The following GSPT1 variants were observed in gnomAD, a reference collection of about 807,000 sequenced individuals.
GSPT1 encodes the protein G1 to S phase transition 1, also known as eukaryotic peptide chain release factor GTP-binding subunit ERF3A.
GSPT1 carries 20 observed loss-of-function variants against 72.5 expected under a neutral mutation model. The observed-to-expected ratio is 0.28, with a 90% CI of 0.19 to 0.40. The LOEUF is 0.40. Ranked by LOEUF, GSPT1 falls within the 10% of genes least tolerant of loss-of-function variation. The pLI is 1.00. For synonymous variants in GSPT1, 334 were observed against 293.5 expected, an observed-to-expected ratio of 1.14 and a Z score of -1.41; for missense variants, 580 against 811.9, an observed-to-expected ratio of 0.71 and a Z score of 3.47.
intron 1 of GSPT1, among the ~76,000 whole-genome samples, chr16:11,910,385 T>C (rs2054543073): frequency 1.3e-5 from 2 of 152,242 alleles, no homozygotes; most frequent in South Asian, 2.1e-4. Flanking sequence ...GATCCCTTTC[T>C]AGATTCCTTC....
intron 6 of GSPT1, among the ~76,000 whole-genome samples, chr16:11,889,176 C>A (rs1344986944): frequency 6.6e-6 from 1 of 151,188 alleles, no homozygotes; most frequent in Non-Finnish European, 1.5e-5. Flanking sequence ...GGCGTGGTGG[C>A]GGGTGCCTGT....
chr16:11,886,339 T>C (rs1443526583), intron 9 of GSPT1, 132 bp downstream of exon 9: 7 of 591,706 alleles, frequency 1.2e-5, no homozygotes, highest in Non-Finnish European at 1.7e-5. Context: ...ACATTTAATA[T>C]TTTCTTAAAT....
In GSPT1 at chr16:11,869,878, G is replaced by A. The variant is rs1214325795; in HGVS notation, c.*3241C>T. 1 of 151,984 alleles carries A rather than the reference G, an allele frequency of 6.6e-6. No homozygotes were observed. Among genetic ancestry groups the A allele is most frequent in the Admixed American group, 6.6e-5 (1 of 15,250 alleles). 9.4% of individuals were successfully genotyped at this position (151,984 alleles called of 1,614,324 possible). ...TGATCATAGGTTCAACTTTTTTCTT[G>A]GGTTGCAAAACTGCATCTGGCTGCA... is the stretch of plus-strand genomic sequence containing the variant. On this transcript the variant is annotated 3_prime_UTR_variant, in exon 15 of 15. Coordinates refer to ENST00000434724, the MANE Select transcript of GSPT1 (RefSeq NM_002094.4).
chr16:11,893,749 A>G (rs994001959), intron 5 of GSPT1, among the ~76,000 whole-genome samples: 4 of 152,098 alleles, frequency 2.6e-5, no homozygotes, highest in African/African-American at 7.2e-5. Context: ...GAAACATAAC[A>G]TCATATGGCT....
At chr16:11,875,088 C>T (rs1288876878) in intron 14 of GSPT1, among the ~76,000 whole-genome samples, 2 of 152,044 alleles carry the variant, frequency 1.3e-5, no homozygotes, top group Non-Finnish European at 2.9e-5. Context: ...ACTCGGGAGG[C>T]TGAGGCAGGA....
At chr16:11,899,618 G>C (rs1306417113) in intron 1 of GSPT1, among the ~76,000 whole-genome samples, 1 of 152,150 alleles carries the variant, frequency 6.6e-6, no homozygotes, top group Non-Finnish European at 1.5e-5. Flanking sequence ...ACCTGGTTTG[G>C]AAGGAGGCAG....
intron 11 of GSPT1, among the ~76,000 whole-genome samples, chr16:11,878,067 G>C (rs2054069522): frequency 6.6e-6 from 1 of 152,100 alleles, no homozygotes; most frequent in Non-Finnish European, 1.5e-5. Context: ...TTTCCTTTTG[G>C]TGTAATGAAA....
chr16:11,898,696 C>G (rs1596470461), intron 1 of GSPT1, among the ~76,000 whole-genome samples: 1 of 152,056 alleles, frequency 6.6e-6, no homozygotes. Context: ...GTGTTCTGCC[C>G]ACCTCGGCCT....
At chr16:11,901,850 C>A (rs903370976) in intron 1 of GSPT1, among the ~76,000 whole-genome samples, 2 of 151,438 alleles carry the variant, frequency 1.3e-5, no homozygotes, top group African/African-American at 4.8e-5. Flanking sequence ...AATCCCAGCA[C>A]TTCTGGAGGT....
chr16:11,897,264 T>C (rs1374737084), intron 3 of GSPT1, among the ~76,000 whole-genome samples: 1 of 152,200 alleles, frequency 6.6e-6, no homozygotes, highest in Non-Finnish European at 1.5e-5. Flanking sequence ...AATAAAGTTA[T>C]AAAAAGGAAG....
At position 11,896,504 on chromosome 16, in the gene GSPT1, G is replaced by A. The variant is rs190526384; in HGVS notation, c.664+54C>T. On this transcript the variant is annotated intron_variant, in intron 4 of 14. Transcript: ENST00000434724. ...TAAACATCTCCAGGTAGCTAAAAAG[G>A]ATGTTCTATGTTTTATGTATCCAGT... 5,483 of 929,970 alleles carry A rather than the reference G, an allele frequency of 5.9e-3. 30 individuals are homozygous for A. The highest frequency in any genetic ancestry group is 8.0e-3 in the Non-Finnish European group (4,760 of 592,338). 57.6% of individuals were successfully genotyped at this position (929,970 alleles called of 1,614,324 possible).
In GSPT1 at chr16:11,872,490, A is replaced by G. The variant is rs1021576172; in HGVS notation, c.*629T>C. 2.0e-5 allele frequency: 3 copies of G among 152,238 alleles called. No individual in the cohort carries two copies. The highest frequency in any genetic ancestry group is 7.2e-5 in the African/African-American group (3 of 41,470). The allele number at this position is 152,238 out of a possible 1,614,324, so 9.4% of individuals were successfully genotyped here. The stretch of plus-strand genomic sequence containing the variant: ...CATTAACCATCAAAAGAAGGGGTCA[A>G]ACTAATCCTTTCCTTTAATACAAAC... On this transcript the variant is annotated 3_prime_UTR_variant, in exon 15 of 15. Coordinates refer to ENST00000434724, the MANE Select transcript of GSPT1 (RefSeq NM_002094.4).
intron 11 of GSPT1, chr16:11,882,692 C>T (rs759252521): frequency 1.6e-4 from 32 of 196,702 alleles, no homozygotes; most frequent in Non-Finnish European, 2.7e-4. Flanking sequence ...TGATGGCTCA[C>T]GCCCGTAATC....
rs1432577836 is a variant in GSPT1, at chr16:11,914,870, C to T, written c.352+499G>A. On this transcript the variant is annotated intron_variant, in intron 1 of 14. Coordinates refer to ENST00000434724, the MANE Select transcript of GSPT1 (RefSeq NM_002094.4). The stretch of plus-strand genomic sequence containing the variant: ...GTTGGGGGCCACGGACAGTTTAAAC[C>T]GTAATTACAGTTTCAATAGTAGAAA... The T allele has an allele frequency of 3.1e-5, 17 of 539,768 alleles. No homozygotes were observed. The East Asian group carries it at 6.7e-4, about 21-fold the overall frequency. 33.4% of individuals were successfully genotyped at this position (539,768 alleles called of 1,614,324 possible). A position where few individuals can be genotyped will look rare whatever the true frequency, so the allele number is the denominator to read the frequency against.
intron 1 of GSPT1, 51 bp downstream of exon 1, chr16:11,915,318 A>T: frequency 7.1e-7 from 1 of 1,417,446 alleles, no homozygotes; most frequent in Non-Finnish European, 9.1e-7. Context: ...CCCCTACGCC[A>T]TGTGGGCTCC....
chr16:11,884,205 C>T (rs1050709561), intron 10 of GSPT1, among the ~76,000 whole-genome samples: 1 of 152,066 alleles, frequency 6.6e-6, no homozygotes, highest in Non-Finnish European at 1.5e-5. Context: ...GCTGGTGAGG[C>T]TGTGGTAAAA....
chr16:11,885,095 G>T (rs1293868260), intron 10 of GSPT1, 86 bp downstream of exon 10: 1 of 687,708 alleles, frequency 1.5e-6, no homozygotes, highest in East Asian at 2.7e-5. Flanking sequence ...GAAAAGAAAA[G>T]AAAAAAAGTT....
chr16:11,896,953 G>T (rs1406272838), intron 3 of GSPT1, among the ~76,000 whole-genome samples, 168 bp from the exon 4 acceptor site: 1 of 152,202 alleles, frequency 6.6e-6, no homozygotes, highest in Non-Finnish European at 1.5e-5. Context: ...ATGGGTGACA[G>T]CTTTCAAGGC....
rs561612047 is a variant in GSPT1, at chr16:11,904,360, G to A, written c.353-6325C>T. ...TGGGACTACAGGCGCGCGCCACCAC[G>A]CCTGGGTAATTTTTTGTATTTTTAG... On this transcript the variant is annotated intron_variant, in intron 1 of 14. Coordinates refer to ENST00000434724, the MANE Select transcript of GSPT1 (RefSeq NM_002094.4). Among the ~76,000 whole-genome samples the A allele has an allele frequency of 9.2e-5, 14 of 152,078 alleles. No individual in the cohort carries two copies. In the South Asian group the frequency reaches 1.0e-3, roughly 11 times the overall value.
Sources: allele counts gnomAD v4.1 joint callset (sites outside exome capture counted in the v4.1 genomes callset), GRCh38; gene constraint gnomAD v4.1.1; transcripts MANE v1.5; gene names NCBI Gene and HGNC (gene_info 2026-07-23, HGNC 2026-07-21).